PTPRK: variants seen among roughly 807,000 people sequenced by gnomAD.
PTPRK encodes the protein protein tyrosine phosphatase receptor type K.
A neutral mutation model predicts 178.0 loss-of-function variants in PTPRK; 75 were observed. The observed-to-expected ratio is 0.42, with a 90% CI of 0.35 to 0.51. PTPRK has a LOEUF of 0.51. Ranked by LOEUF, PTPRK falls within the 20% of genes least tolerant of loss-of-function variation. The probability of loss-of-function intolerance (pLI) is 0.02; values close to 1 mark genes in which losing one functional copy is unlikely to be tolerated. For synonymous variants in PTPRK, 637 were observed against 620.6 expected, an observed-to-expected ratio of 1.03 and a Z score of -0.39; for missense variants, 1,441 against 1,797.8, an observed-to-expected ratio of 0.80 and a Z score of 3.59.
At chr6:128,016,936 A>C (rs1344357081) in intron 13 of PTPRK, among the ~76,000 whole-genome samples, 1 of 152,034 alleles carries the variant, frequency 6.6e-6, no homozygotes, top group Non-Finnish European at 1.5e-5. Context: ...TTCTTAGAGG[A>C]AACATATTAT....
In PTPRK at chr6:128,005,379, A is replaced by G. The variant is rs1349266403; in HGVS notation, c.2334-135T>C. 3 of 664,604 alleles carry G rather than the reference A, an allele frequency of 4.5e-6. No homozygotes were observed. The African/African-American group carries it at 5.5e-5, about 12-fold the overall frequency. The allele number at this position is 664,604 out of a possible 1,614,324, so 41.2% of individuals were successfully genotyped here. A position where few individuals can be genotyped will look rare whatever the true frequency, so the allele number is the denominator to read the frequency against. On this transcript the variant is annotated intron_variant, in intron 14 of 29. Transcript: ENST00000368226. ...TTAGAAACCCCAAGCACTGGTCACA[A>G]TTTCAGGAATTAAGTTTGACATTCA... is the stretch of plus-strand genomic sequence containing the variant.
At chr6:128,428,839 C>T (rs903881014) in intron 1 of PTPRK, among the ~76,000 whole-genome samples, 2 of 152,144 alleles carry the variant, frequency 1.3e-5, no homozygotes, top group Non-Finnish European at 2.9e-5. Context: ...TTTTCACTTT[C>T]AATACAGTAT....
intron 7 of PTPRK, among the ~76,000 whole-genome samples, chr6:128,174,194 GTCT>G (rs1215681685): frequency 6.6e-5 from 10 of 151,924 alleles, no homozygotes; most frequent in Non-Finnish European, 1.3e-4. Flanking sequence ...ATTTACTATG[GTCT>G]TCTTATGTCT....
chr6:128,244,444 G>T (rs776353985), intron 3 of PTPRK, among the ~76,000 whole-genome samples: 3 of 152,126 alleles, frequency 2.0e-5, no homozygotes, highest in Non-Finnish European at 4.4e-5. Context: ...GGCCACCAGC[G>T]GATATAAAGC....
intron 6 of PTPRK, among the ~76,000 whole-genome samples, chr6:128,205,593 C>T (rs769238704): frequency 7.9e-5 from 12 of 151,040 alleles, no homozygotes; most frequent in African/African-American, 1.9e-4. Flanking sequence ...GCCAATATGG[C>T]GAAACCCCAT....
At chr6:127,987,686 T>C (rs1419715307) in intron 21 of PTPRK, among the ~76,000 whole-genome samples, 1 of 152,172 alleles carries the variant, frequency 6.6e-6, no homozygotes, top group Non-Finnish European at 1.5e-5. Flanking sequence ...ACACAGTTTA[T>C]TCCTCTTGCT....
chr6:128,229,237 T>G (rs1271289684), intron 5 of PTPRK, among the ~76,000 whole-genome samples: 1 of 152,164 alleles, frequency 6.6e-6, no homozygotes, highest in Non-Finnish European at 1.5e-5. Flanking sequence ...TTAGTACAAG[T>G]TTCAAAATAA....
chr6:128,079,345 C>T (rs1038181020), intron 10 of PTPRK, among the ~76,000 whole-genome samples: 2 of 151,862 alleles, frequency 1.3e-5, no homozygotes, highest in Middle Eastern at 3.2e-3. Flanking sequence ...GAAACAGTGT[C>T]GTTTATGATC....
chr6:128,499,610 A>G (rs1318282855), intron 1 of PTPRK, among the ~76,000 whole-genome samples: 5 of 152,242 alleles, frequency 3.3e-5, no homozygotes, highest in Non-Finnish European at 7.3e-5. Context: ...GAGCTTATAA[A>G]GTTGTGTGAA....
chr6:127,979,752 T>A (rs1184739099), intron 25 of PTPRK, among the ~76,000 whole-genome samples: 1 of 152,322 alleles, frequency 6.6e-6, no homozygotes, highest in East Asian at 1.9e-4. Context: ...CCTGTTATAG[T>A]CAGAAAGAAA....
At chr6:128,447,944 C>T (rs1051224952) in intron 1 of PTPRK, among the ~76,000 whole-genome samples, 3 of 152,028 alleles carry the variant, frequency 2.0e-5, no homozygotes, top group East Asian at 3.8e-4. Context: ...AGATAAGAAA[C>T]GCCTGTAGCA....
intron 1 of PTPRK, among the ~76,000 whole-genome samples, chr6:128,462,877 G>A (rs144441984): frequency 5.9e-5 from 9 of 151,998 alleles, no homozygotes; most frequent in African/African-American, 1.2e-4. Context: ...GGCTGGTGTC[G>A]AACTCCTGAC....
chr6:128,293,369 T>A (rs1053020818), intron 3 of PTPRK, among the ~76,000 whole-genome samples: 1 of 152,150 alleles, frequency 6.6e-6, no homozygotes, highest in African/African-American at 2.4e-5. Flanking sequence ...TGTTTTCACA[T>A]GGTGAGTGGC....
At chr6:128,425,372 T>C (rs1478415722) in intron 1 of PTPRK, among the ~76,000 whole-genome samples, 1 of 152,116 alleles carries the variant, frequency 6.6e-6, no homozygotes, top group Non-Finnish European at 1.5e-5. Flanking sequence ...CCGGTGTGCC[T>C]GGCCCCAATG....
At chr6:128,494,481 G>A (rs1854370623) in intron 1 of PTPRK, among the ~76,000 whole-genome samples, 1 of 152,040 alleles carries the variant, frequency 6.6e-6, no homozygotes, top group Non-Finnish European at 1.5e-5. Flanking sequence ...GTGTAAATAG[G>A]GAACAACTTT....
intron 1 of PTPRK, among the ~76,000 whole-genome samples, chr6:128,408,668 G>T (rs1261031127): frequency 3.3e-5 from 5 of 152,050 alleles, no homozygotes; most frequent in Non-Finnish European, 7.4e-5. Context: ...TAAATTGTTG[G>T]CATATGTTTA....
chr6:128,187,665 T>C (rs1236948416), intron 6 of PTPRK, among the ~76,000 whole-genome samples: 4 of 152,110 alleles, frequency 2.6e-5, no homozygotes, highest in South Asian at 2.1e-4. Flanking sequence ...GTCAGAAGGG[T>C]AGTAGTTCAC....
Position 128,517,951 on chromosome 6 carries a change from A to T in PTPRK, c.100+2308T>A, listed in dbSNP as rs541273122. Among the ~76,000 whole-genome samples, 124 of 152,344 alleles carry T rather than the reference A, an allele frequency of 8.1e-4. 1 individual carries two copies. Among genetic ancestry groups the T allele is most frequent in the African/African-American group, 2.8e-3 (118 of 41,584 alleles). On this transcript the variant is annotated intron_variant, in intron 1 of 29. Transcript: ENST00000368226. ...ATGGAATACACCTCCAATCTTCAATACATCTCTAATCTATGTCTGCAACAA... is the reference window on the plus strand; with the variant it reads ...ATGGAATACACCTCCAATCTTCAATTCATCTCTAATCTATGTCTGCAACAA...
At chr6:128,415,097 A>G (rs983817963) in intron 1 of PTPRK, among the ~76,000 whole-genome samples, 1 of 152,170 alleles carries the variant, frequency 6.6e-6, no homozygotes, top group African/African-American at 2.4e-5. Context: ...GGAATGAAGA[A>G]ATGGCAGGGA....
Sources: gnomAD v4.1 joint callset for allele counts (sites outside exome capture counted in the v4.1 genomes callset) on GRCh38, gnomAD v4.1.1 for gene constraint, MANE v1.5 for transcripts, NCBI Gene and HGNC (gene_info 2026-07-23, HGNC 2026-07-21) for gene names.